The following PTPRD variants were observed in gnomAD, a reference collection of about 807,000 sequenced individuals.
PTPRD encodes protein tyrosine phosphatase receptor type D.
A neutral mutation model predicts 214.5 loss-of-function variants in PTPRD; 34 were observed. The observed-to-expected ratio is 0.16, with a 90% CI of 0.12 to 0.21. The LOEUF is 0.21. PTPRD is among the 10% of genes least tolerant of loss of function. PTPRD has a pLI of 1.00. For synonymous variants in PTPRD, 1,128 were observed against 845.7 expected (o/e 1.33, Z -5.79); for missense variants, 2,545 against 2,398.7 (o/e 1.06, Z -1.27).
At position 8,829,782 on chromosome 9, in the gene PTPRD, C is replaced by T. The variant is rs138286936; in HGVS notation, c.-103-95836G>A. Among the ~76,000 whole-genome samples the T allele has an allele frequency of 4.1e-3, 632 of 152,296 alleles. 7 individuals are homozygous for T. Among genetic ancestry groups the T allele is most frequent in the South Asian group, 0.027 (129 of 4,824 alleles). On this transcript the variant is annotated intron_variant, in intron 11 of 45. Transcript: ENST00000381196. The stretch of plus-strand genomic sequence containing the variant: ...ACTGGGGACAAACAGCTCAGTCTAC[C>T]ACTAATAACCATAATCTTCAGCAGG...
intron 11 of PTPRD, among the ~76,000 whole-genome samples, chr9:8,846,801 G>C (rs1208011258): frequency 1.3e-5 from 2 of 152,172 alleles, no homozygotes; most frequent in Admixed American, 6.5e-5. Flanking sequence ...CAGAGGAAAG[G>C]ACATCAAAGG....
chr9:8,720,746 TAC>T (rs2098484706), intron 12 of PTPRD, among the ~76,000 whole-genome samples: 1 of 152,208 alleles, frequency 6.6e-6, no homozygotes, highest in Non-Finnish European at 1.5e-5. Context: ...TCTCAATTCT[TAC>T]ACAGTGTGTA....
At chr9:10,089,395 T>A (rs2098402828) in intron 3 of PTPRD, among the ~76,000 whole-genome samples, 1 of 151,598 alleles carries the variant, frequency 6.6e-6, no homozygotes, top group Non-Finnish European at 1.5e-5. Context: ...CTTCTTTTTG[T>A]TTTAAAAAAG....
intron 10 of PTPRD, among the ~76,000 whole-genome samples, chr9:9,049,466 T>C (rs768992292): frequency 6.6e-6 from 1 of 152,150 alleles, no homozygotes; most frequent in Non-Finnish European, 1.5e-5. Flanking sequence ...GGTTCACAGA[T>C]TTGCCATTTC....
chr9:9,220,387 A>G (rs570474672), intron 9 of PTPRD, among the ~76,000 whole-genome samples: 3 of 151,438 alleles, frequency 2.0e-5, no homozygotes, highest in Non-Finnish European at 4.4e-5. Flanking sequence ...GGCAGAAAGC[A>G]TTACTGATAA....
chr9:10,071,615 AAACTCAAAAATT>A (rs1471182689), intron 3 of PTPRD, among the ~76,000 whole-genome samples: 1 of 152,088 alleles, frequency 6.6e-6, no homozygotes, highest in African/African-American at 2.4e-5. Context: ...TTATAACTCA[AAACTCAAAAATT>A]AACTCAAACA....
chr9:10,017,397 A>G (rs2096743071), intron 4 of PTPRD, among the ~76,000 whole-genome samples: 1 of 151,942 alleles, frequency 6.6e-6, no homozygotes, highest in African/African-American at 2.4e-5. Context: ...TTCTTTATGG[A>G]CTATAAACAT....
At chr9:10,520,304 A>T (rs2134159978) in intron 2 of PTPRD, among the ~76,000 whole-genome samples, 1 of 152,324 alleles carries the variant, frequency 6.6e-6, no homozygotes, top group Middle Eastern at 3.4e-3. Flanking sequence ...AACCAACCAC[A>T]TTTCCTTAAG....
chr9:8,915,950 C>T (rs1195150448), intron 11 of PTPRD, among the ~76,000 whole-genome samples: 1 of 152,102 alleles, frequency 6.6e-6, no homozygotes, highest in Non-Finnish European at 1.5e-5. Context: ...ACTTTGGACA[C>T]AGGAATGAAG....
intron 25 of PTPRD, among the ~76,000 whole-genome samples, chr9:8,499,398 G>C (rs1246105967): frequency 6.6e-6 from 1 of 152,148 alleles, no homozygotes; most frequent in African/African-American, 2.4e-5. Context: ...GTAAAGGGTT[G>C]AATATCTGTA....
intron 9 of PTPRD, among the ~76,000 whole-genome samples, chr9:9,332,054 A>T (rs1349577181): frequency 6.6e-6 from 1 of 152,092 alleles, no homozygotes; most frequent in Non-Finnish European, 1.5e-5. Flanking sequence ...CTGCATGGAC[A>T]GCTAGTCTGT....
intron 8 of PTPRD, among the ~76,000 whole-genome samples, chr9:9,427,549 G>T (rs2081421333): frequency 6.6e-6 from 1 of 152,080 alleles, no homozygotes; most frequent in Non-Finnish European, 1.5e-5. Context: ...TTGAAATCAG[G>T]AAACACAGAA....
At chr9:10,550,924 TTAAC>T (rs1475467258) in intron 2 of PTPRD, among the ~76,000 whole-genome samples, 1 of 152,222 alleles carries the variant, frequency 6.6e-6, no homozygotes. Context: ...CACTTCGGTA[TTAAC>T]TTTCATTCTC....
intron 7 of PTPRD, among the ~76,000 whole-genome samples, chr9:9,616,973 G>A (rs2094909957): frequency 6.6e-6 from 1 of 151,976 alleles, no homozygotes; most frequent in African/African-American, 2.4e-5. Context: ...CCTTTACTCT[G>A]TGGGCTAACT....
At chr9:9,486,108 G>A (rs1355009401) in intron 8 of PTPRD, among the ~76,000 whole-genome samples, 3 of 117,942 alleles carry the variant, frequency 2.5e-5, no homozygotes, top group African/African-American at 6.5e-5. Context: ...TCGAGATCAC[G>A]CCACTGCACT....
intron 2 of PTPRD, among the ~76,000 whole-genome samples, chr9:10,484,226 T>C (rs1407620791): frequency 2.6e-5 from 4 of 152,048 alleles, no homozygotes; most frequent in East Asian, 1.9e-4. Flanking sequence ...TTCTCACTTA[T>C]ACGTGAGAGT....
At chr9:9,727,436 G>A (rs1229306905) in intron 7 of PTPRD, among the ~76,000 whole-genome samples, 3 of 152,096 alleles carry the variant, frequency 2.0e-5, no homozygotes, top group Non-Finnish European at 4.4e-5. Flanking sequence ...GATAACCAGA[G>A]TGAGACCCTG....
intron 2 of PTPRD, among the ~76,000 whole-genome samples, chr9:10,589,243 A>C (rs1471328457): frequency 1.3e-5 from 2 of 152,058 alleles, no homozygotes; most frequent in Non-Finnish European, 2.9e-5. Context: ...ATCTGGAGAA[A>C]CCTTGTTATC....
intron 11 of PTPRD, among the ~76,000 whole-genome samples, chr9:8,934,366 T>C (rs762216602): frequency 2.1e-5 from 3 of 141,536 alleles, no homozygotes; most frequent in Non-Finnish European, 4.5e-5. Flanking sequence ...CCCAGCTTTA[T>C]AGAGGTGTAA....
Sources: allele counts gnomAD v4.1 joint callset (sites outside exome capture counted in the v4.1 genomes callset), GRCh38; gene constraint gnomAD v4.1.1; transcripts MANE v1.5; gene names NCBI Gene and HGNC (gene_info 2026-07-23, HGNC 2026-07-21).